Variants in SPG7 observed in about 807,000 individuals in gnomAD.
SPG7 encodes the protein SPG7 matrix AAA peptidase subunit, paraplegin.
A neutral mutation model predicts 81.9 loss-of-function variants in SPG7; 103 were observed. That is an observed-to-expected ratio of 1.26 (90% confidence interval 1.07 to 1.48). The LOEUF is 1.48. Among genes scored for constraint, SPG7 ranks in the 40% most tolerant of loss-of-function variants. The probability of loss-of-function intolerance (pLI) is 0.00; values close to 1 mark genes in which losing one functional copy is unlikely to be tolerated. For missense variants in SPG7, 1,241 were observed against 1,087.3 expected, an observed-to-expected ratio of 1.14 and a Z score of -1.99; for synonymous variants, 534 against 444.2, an observed-to-expected ratio of 1.20 and a Z score of -2.54.
rs113818240 is a variant in SPG7, at chr16:89,557,288, C to T, written c.*195C>T. ...TCTCTGCAGAAACTACTGACGGAGT[C>T]CTGTGTTTGTGAGTCGTTTCCCCTA... On this transcript the variant is annotated 3_prime_UTR_variant, in exon 17 of 17. Transcript: ENST00000645818. 2,126 of 596,226 alleles carry T rather than the reference C, an allele frequency of 3.6e-3. 36 individuals are homozygous for T. In the African/African-American group the frequency reaches 0.036, roughly 10 times the overall value. The allele number at this position is 596,226 out of a possible 1,614,324, so 36.9% of individuals were successfully genotyped here.
rs940589328 is a variant in SPG7 at position 89,531,031 on chromosome 16, A to G, written c.987+223A>G. The G allele has an allele frequency of 7.7e-6, 5 of 649,286 alleles. No homozygotes were observed. In the East Asian group the frequency reaches 8.3e-5, roughly 11 times the overall value. The allele number at this position is 649,286 out of a possible 1,614,324, so 40.2% of individuals were successfully genotyped here. On this transcript the variant is annotated intron_variant, in intron 7 of 16. Coordinates refer to ENST00000645818, the MANE Select transcript of SPG7 (RefSeq NM_003119.4). ...AGCCAAGCAGAGGCTGCCAAGACCCATGCCTACTGTGCCGTTAGCCGTCCT... is the reference window on the plus strand; with the variant it reads ...AGCCAAGCAGAGGCTGCCAAGACCCGTGCCTACTGTGCCGTTAGCCGTCCT...
chr16:89,554,038 C>T (rs2058663825), intron 15 of SPG7, 78 bp downstream of exon 15: 1 of 1,507,568 alleles, frequency 6.6e-7, no homozygotes, highest in Admixed American at 1.7e-5. Context: ...ACAAGGGTCG[C>T]CCACGGCCGC....
At chr16:89,525,105 G>A (rs879418934) in intron 4 of SPG7, among the ~76,000 whole-genome samples, 2 of 151,788 alleles carry the variant, frequency 1.3e-5, no homozygotes, top group Non-Finnish European at 2.9e-5. Context: ...GATGGCAGGC[G>A]CGCACCACCA....
At chr16:89,537,125 G>C in intron 9 of SPG7, 2 of 1,476,346 alleles carry the variant, frequency 1.4e-6, no homozygotes, top group South Asian at 1.4e-5. Flanking sequence ...GCTCAGCCCT[G>C]CCGAGGTCCC....
At chr16:89,537,426 A>G in intron 9 of SPG7, 2 of 1,039,892 alleles carry the variant, frequency 1.9e-6, no homozygotes, top group East Asian at 8.0e-5. Context: ...CCAGCGGTTC[A>G]CACAGGCCTC....
chr16:89,534,410 T>C (rs1046596914), intron 9 of SPG7, among the ~76,000 whole-genome samples: 4 of 152,332 alleles, frequency 2.6e-5, no homozygotes, highest in African/African-American at 9.6e-5. Context: ...TCGGTGGACA[T>C]GTGGACTGTG....
intron 1 of SPG7, among the ~76,000 whole-genome samples, chr16:89,509,295 G>A (rs1161211651): frequency 6.6e-6 from 1 of 151,978 alleles, no homozygotes; most frequent in African/African-American, 2.4e-5. Context: ...TCGCTCTGTC[G>A]CCCAGGCTGG....
chr16:89,548,127 G>GCCCTGGGTGAAGGCCCTCCTTAGCA lies in SPG7; in HGVS notation c.1663+15_1663+39dup. On this transcript the variant is annotated intron_variant, in intron 12 of 16. Coordinates refer to ENST00000645818, the MANE Select transcript of SPG7 (RefSeq NM_003119.4). ...GCGTCCTCGCAGGTACAGGGGGCGC[G>GCCCTGGGTGAAGGCCCTCCTTAGCA]CCCTGGGTGAAGGCCCTCCTTAGCA... 1 of 1,572,240 alleles carries GCCCTGGGTGAAGGCCCTCCTTAGCA rather than the reference G, an allele frequency of 6.4e-7. No individual in the cohort carries two copies. Among genetic ancestry groups the GCCCTGGGTGAAGGCCCTCCTTAGCA allele is most frequent in the Non-Finnish European group, 8.7e-7 (1 of 1,152,436 alleles).
At chr16:89,516,398 A>G (rs568582161) in intron 3 of SPG7, among the ~76,000 whole-genome samples, 1 of 152,208 alleles carries the variant, frequency 6.6e-6, no homozygotes, top group Admixed American at 6.6e-5. Context: ...CAAAAAAAAA[A>G]AAAATTAGCC....
intron 3 of SPG7, among the ~76,000 whole-genome samples, chr16:89,515,545 G>C (rs1445298311): frequency 6.6e-6 from 1 of 151,022 alleles, no homozygotes; most frequent in African/African-American, 2.4e-5. Context: ...GGGATTACAG[G>C]TGTGAGCCAC....
chr16:89,528,187 G>C (rs1160646032), intron 5 of SPG7, among the ~76,000 whole-genome samples: 1 of 151,828 alleles, frequency 6.6e-6, no homozygotes, highest in South Asian at 2.1e-4. Context: ...TCAGGAGGTC[G>C]AGACCATCCT....
chr16:89,537,076 T>A, intron 9 of SPG7: 1 of 1,550,464 alleles, frequency 6.4e-7, no homozygotes, highest in Non-Finnish European at 8.7e-7. Context: ...GAGTGCCAGC[T>A]CTAAACAAGT....
At chr16:89,509,333 C>T (rs1267140527) in intron 1 of SPG7, among the ~76,000 whole-genome samples, 1 of 151,716 alleles carries the variant, frequency 6.6e-6, no homozygotes, top group Non-Finnish European at 1.5e-5. Context: ...TCACTGCAAC[C>T]TCCGCCTCCC....
At chr16:89,541,418 A>G in intron 9 of SPG7, 1 of 800,026 alleles carries the variant, frequency 1.2e-6, no homozygotes, top group Non-Finnish European at 1.5e-6. Flanking sequence ...AATTCTGGGG[A>G]TGGAGAACGG....
rs752989523 is a variant in SPG7 at position 89,553,853 on chromosome 16, G to C, written c.1996G>C (p.Gly666Arg). Reference protein sequence around the residue: ...RIAYSMVKQFGMAPGIGPISF... With the variant: ...RIAYSMVKQFRMAPGIGPISF... ...CGCCTACTCCATGGTGAAGCAGTTTGGGATGGCACCTGGCATCGGGCCCAT... is the reference window on the plus strand; with the variant it reads ...CGCCTACTCCATGGTGAAGCAGTTTCGGATGGCACCTGGCATCGGGCCCAT... Residue 666 changes from glycine (G) to arginine (R), a missense_variant, in exon 15 of 17, where the codon GGG (glycine) becomes CGG (arginine). Transcript: ENST00000645818. 5 of 1,613,424 alleles carry C rather than the reference G, an allele frequency of 3.1e-6. No homozygotes were observed. Among genetic ancestry groups the C allele is most frequent in the Non-Finnish European group, 4.2e-6 (5 of 1,180,028 alleles).
chr16:89,543,303 T>G (rs901850650), intron 9 of SPG7: 2 of 151,028 alleles, frequency 1.3e-5, no homozygotes, highest in Non-Finnish European at 2.9e-5. Context: ...AAGGTAGGTC[T>G]TGTCGTATCT....
intron 9 of SPG7, among the ~76,000 whole-genome samples, chr16:89,533,954 G>A (rs796978001): frequency 5.9e-5 from 9 of 152,276 alleles, no homozygotes; most frequent in African/African-American, 1.9e-4. Flanking sequence ...CGATGGTCTC[G>A]CCTGTGAACA....
chr16:89,524,335 A>G lies in SPG7; in HGVS notation c.618+88A>G. On this transcript the variant is annotated intron_variant, in intron 4 of 16. Transcript: ENST00000645818. ...GTGAGGCTGTGGGCTCCTGTGAATGAGGGTGTGGGCGCTGGCTGTTGCCAT... is the reference window on the plus strand; with the variant it reads ...GTGAGGCTGTGGGCTCCTGTGAATGGGGGTGTGGGCGCTGGCTGTTGCCAT... 4 of 1,470,004 alleles carry G rather than the reference A, an allele frequency of 2.7e-6. No individual in the cohort carries two copies. The South Asian group carries it at 5.1e-5, about 19-fold the overall frequency. The allele number at this position is 1,470,004 out of a possible 1,614,324, so 91.1% of individuals were successfully genotyped here. A position where few individuals can be genotyped will look rare whatever the true frequency, so the allele number is the denominator to read the frequency against.
intron 7 of SPG7, chr16:89,531,702 G>A (rs539133497): frequency 2.0e-4 from 120 of 602,398 alleles, no homozygotes; most frequent in Non-Finnish European, 3.3e-4. Context: ...GTAGCTGGGC[G>A]TGGTGCCACA....
Sources: allele counts gnomAD v4.1 joint callset (sites outside exome capture counted in the v4.1 genomes callset), GRCh38; gene constraint gnomAD v4.1.1; transcripts MANE v1.5; gene names NCBI Gene and HGNC (gene_info 2026-07-23, HGNC 2026-07-21).